SORL1: variants seen among roughly 807,000 people sequenced by gnomAD.
The protein encoded by SORL1 is sortilin-related receptor.
A neutral mutation model predicts 273.7 loss-of-function variants in SORL1; 127 were observed. The ratio of observed to expected loss-of-function variants is 0.46; its 90% CI spans 0.40 to 0.54. SORL1 has a LOEUF of 0.54. Ranked by LOEUF, SORL1 falls within the 20% of genes least tolerant of loss-of-function variation. SORL1 has a pLI of 0.00. For missense variants in SORL1, 2,494 were observed against 2,846.1 expected (o/e 0.88, Z 2.81); for synonymous variants, 1,031 against 1,067.4 (o/e 0.97, Z 0.66).
rs546876088 is a variant in SORL1 at position 121,628,383 on chromosome 11, C to A, written c.6577+616C>A. Reference sequence around the variant, plus strand: ...CTCAGATCAGCAGGCATTAGATTCTCATAGGGAGCGCTCAGTCTGGATCCC... The same window carrying A: ...CTCAGATCAGCAGGCATTAGATTCTAATAGGGAGCGCTCAGTCTGGATCCC... On this transcript the variant is annotated intron_variant, in intron 47 of 47. Transcript: ENST00000260197. Among the ~76,000 whole-genome samples the A allele has an allele frequency of 2.6e-5, 4 of 152,316 alleles. No individual in the cohort carries two copies. The South Asian group carries it at 8.3e-4, about 32-fold the overall frequency.
At chr11:121,484,752 A>G (rs950741802) in intron 3 of SORL1, among the ~76,000 whole-genome samples, 13 of 152,116 alleles carry the variant, frequency 8.5e-5, no homozygotes, top group Non-Finnish European at 4.4e-5. Flanking sequence ...AAGTCATGCC[A>G]TGCTTCTTCT....
At chr11:121,474,846 A>G (rs896110153) in intron 2 of SORL1, among the ~76,000 whole-genome samples, 6 of 152,252 alleles carry the variant, frequency 3.9e-5, no homozygotes, top group Admixed American at 1.3e-4. Flanking sequence ...AGCTAACTGC[A>G]CACTGGCAGA....
At chr11:121,573,541 AG>A (rs1862880058) in intron 23 of SORL1, among the ~76,000 whole-genome samples, 1 of 152,266 alleles carries the variant, frequency 6.6e-6, no homozygotes, top group Non-Finnish European at 1.5e-5. Flanking sequence ...TGAACCTGGG[AG>A]GCGGAGGTTG....
intron 16 of SORL1, among the ~76,000 whole-genome samples, chr11:121,553,201 C>A (rs1250481319): frequency 6.6e-6 from 1 of 152,166 alleles, no homozygotes; most frequent in African/African-American, 2.4e-5. Context: ...GTTACTTAAC[C>A]TCTCTGGTCT....
intron 10 of SORL1, 85 bp from the exon 11 acceptor site, chr11:121,522,831 G>A (rs1335789335): frequency 7.2e-7 from 1 of 1,381,666 alleles, no homozygotes; most frequent in Non-Finnish European, 1.0e-6. Flanking sequence ...TTAGTTGCTA[G>A]ATACTACGCA....
intron 1 of SORL1, among the ~76,000 whole-genome samples, chr11:121,453,268 C>G (rs1156744787): frequency 6.6e-6 from 1 of 152,116 alleles, no homozygotes; most frequent in African/African-American, 2.4e-5. Flanking sequence ...CCTCATGGCA[C>G]TTGGAGATTT....
chr11:121,511,452 A>T (rs946599662), intron 6 of SORL1, among the ~76,000 whole-genome samples: 1 of 152,220 alleles, frequency 6.6e-6, no homozygotes, highest in Non-Finnish European at 1.5e-5. Context: ...GACTTAAACT[A>T]ATCATCTGAC....
intron 3 of SORL1, 94 bp downstream of exon 3, chr11:121,478,337 CTG>C: frequency 2.2e-6 from 3 of 1,385,406 alleles, no homozygotes; most frequent in Non-Finnish European, 2.9e-6. Flanking sequence ...ATGGCGCTCT[CTG>C]TGATCTTTGT....
chr11:121,614,714 T>C, intron 40 of SORL1, 157 bp from the exon 41 acceptor site: 1 of 633,952 alleles, frequency 1.6e-6, no homozygotes, highest in East Asian at 2.8e-5. Flanking sequence ...TACATAAACG[T>C]TGAATGAATT....
intron 16 of SORL1, among the ~76,000 whole-genome samples, chr11:121,552,931 G>A (rs7946599): frequency 0.032 from 4,898 of 152,266 alleles, 118 homozygotes; most frequent in East Asian, 0.09. Context: ...TCCACTCCTG[G>A]GGAAGAATCT....
rs1863287658 is a variant in SORL1, at chr11:121,595,801, T to C, written c.4519+29T>C. The C allele has an allele frequency of 6.2e-7, 1 of 1,605,498 alleles. No individual in the cohort carries two copies. Among genetic ancestry groups the C allele is most frequent in the South Asian group, 1.1e-5 (1 of 90,970 alleles). ...AGTAGTCAGAGAGCCCTTCACCCCC[T>C]GGGCACGTTTCTGCAGAGAGCACAG... is the stretch of plus-strand genomic sequence containing the variant. On this transcript the variant is annotated intron_variant, in intron 32 of 47. Transcript: ENST00000260197. The surrounding 1 kb of genome is among the most constrained non-coding windows in gnomAD (Gnocchi z 5.1).
chr11:121,576,175 A>C (rs991633569), intron 24 of SORL1, among the ~76,000 whole-genome samples: 2 of 152,228 alleles, frequency 1.3e-5, no homozygotes, highest in Non-Finnish European at 2.9e-5. Flanking sequence ...TACTTAGTGT[A>C]GGTAATTTAT....
rs146150474 is a variant in SORL1, at chr11:121,553,726, C to T, written c.2267-211C>T. ...AGTAAAACACTTGCAGATGAAGAAA[C>T]AGATTCACTGGAGTTTAAGTAACTT... On this transcript the variant is annotated intron_variant, in intron 16 of 47. Transcript: ENST00000260197. Among the ~76,000 whole-genome samples, 34 of 152,312 alleles carry T rather than the reference C, an allele frequency of 2.2e-4. 1 individual carries two copies. The highest frequency in any genetic ancestry group is 8.2e-4 in the African/African-American group (34 of 41,562).
Position 121,622,879 on chromosome 11 carries a change from G to A in SORL1, c.6171+611G>A, listed in dbSNP as rs1863743039. Among the ~76,000 whole-genome samples, 3 of 152,336 alleles carry A rather than the reference G, an allele frequency of 2.0e-5. No individual in the cohort carries two copies. The South Asian group carries it at 6.2e-4, about 32-fold the overall frequency. Reference sequence around the variant, plus strand: ...GGTGGACAGATTCTTGAGTAAAGCTGGGTTGGCCCCAGAGACAGCAAAGCC... The same window carrying A: ...GGTGGACAGATTCTTGAGTAAAGCTAGGTTGGCCCCAGAGACAGCAAAGCC... On this transcript the variant is annotated intron_variant, in intron 45 of 47. Transcript: ENST00000260197.
intron 1 of SORL1, among the ~76,000 whole-genome samples, chr11:121,454,585 G>A (rs576399903): frequency 1.3e-5 from 2 of 152,272 alleles, no homozygotes; most frequent in African/African-American, 4.8e-5. Flanking sequence ...GAGGGTGAGG[G>A]TACAAGGGTG....
intron 3 of SORL1, among the ~76,000 whole-genome samples, chr11:121,485,554 G>A (rs11218309): frequency 6.6e-6 from 1 of 152,328 alleles, no homozygotes; most frequent in East Asian, 1.9e-4. Context: ...TATAGGAAGT[G>A]CTCTTGAAAA....
At chr11:121,524,493 G>A (rs1311532219) in intron 11 of SORL1, among the ~76,000 whole-genome samples, 1 of 152,214 alleles carries the variant, frequency 6.6e-6, no homozygotes, top group Non-Finnish European at 1.5e-5. Flanking sequence ...GGGATGAAAA[G>A]ATTGTGAGTT....
intron 37 of SORL1, 124 bp from the exon 38 acceptor site, chr11:121,607,980 C>T: frequency 1.3e-6 from 1 of 749,436 alleles, no homozygotes; most frequent in Non-Finnish European, 2.2e-6. Context: ...CTGGATCACT[C>T]TGTATAAAAT....
chr11:121,537,949 G>C (rs545785855), intron 12 of SORL1, among the ~76,000 whole-genome samples: 6 of 152,038 alleles, frequency 3.9e-5, no homozygotes, highest in Non-Finnish European at 8.8e-5. Flanking sequence ...GAATATCCTC[G>C]GTTCCTTTCC....
Sources: allele counts gnomAD v4.1 joint callset (sites outside exome capture counted in the v4.1 genomes callset), GRCh38; gene constraint gnomAD v4.1.1; non-coding constraint Gnocchi (gnomAD v3.1); transcripts MANE v1.5; gene names NCBI Gene and HGNC (gene_info 2026-07-23, HGNC 2026-07-21).